Variants in LAMC2 observed in about 807,000 individuals in gnomAD.
The protein encoded by LAMC2 is laminin subunit gamma-2.
LAMC2 carries 97 observed loss-of-function variants against 140.2 expected under a neutral mutation model. The ratio of observed to expected loss-of-function variants is 0.69; its 90% CI spans 0.59 to 0.82. LAMC2 has a LOEUF of 0.82. LAMC2 is among the 40% of genes least tolerant of loss of function. The probability of loss-of-function intolerance (pLI) is 0.00; values close to 1 mark genes in which losing one functional copy is unlikely to be tolerated. For synonymous variants in LAMC2, 513 were observed against 540.2 expected, an observed-to-expected ratio of 0.95 and a Z score of 0.70; for missense variants, 1,402 against 1,476.1, an observed-to-expected ratio of 0.95 and a Z score of 0.82.
intron 1 of LAMC2, among the ~76,000 whole-genome samples, chr1:183,192,587 G>A (rs1183160703): frequency 6.6e-6 from 1 of 152,154 alleles, no homozygotes; most frequent in Non-Finnish European, 1.5e-5. Flanking sequence ...GCTCCAGCAT[G>A]TTTCATCCTT....
chr1:183,249,682 CGTGTGT>C (rs3841433), downstream of LAMC2: 5,887 of 119,584 alleles, frequency 0.049, 215 homozygotes, highest in East Asian at 0.11. Context: ...AAGAGTAGGG[CGTGTGT>C]GTGTGTGTGT....
intron 2 of LAMC2, among the ~76,000 whole-genome samples, chr1:183,212,149 A>AG (rs1325223263): frequency 6.6e-6 from 1 of 152,212 alleles, no homozygotes; most frequent in East Asian, 1.9e-4. Flanking sequence ...AAACTACTGC[A>AG]GGGAGAGTTT....
intron 11 of LAMC2, 140 bp from the exon 12 acceptor site, chr1:183,230,821 C>G: frequency 2.1e-6 from 2 of 950,404 alleles, no homozygotes; most frequent in African/African-American, 1.6e-5. Flanking sequence ...TTCCTAAGAC[C>G]TATCTGTATT....
intron 2 of LAMC2, among the ~76,000 whole-genome samples, chr1:183,214,487 T>C (rs1340202598): frequency 6.6e-6 from 1 of 152,150 alleles, no homozygotes; most frequent in Non-Finnish European, 1.5e-5. Flanking sequence ...CTTAGCACTT[T>C]GCCTGAACCA....
In LAMC2 at chr1:183,186,426, G is replaced by A; in HGVS notation, c.74G>A (p.Arg25Lys). 6.2e-7 allele frequency: 1 copy of A among 1,604,170 alleles called. No individual in the cohort carries two copies. The highest frequency in any genetic ancestry group is 1.1e-5 in the South Asian group (1 of 91,018). Residue 25 changes from arginine (R) to lysine (K), a missense_variant, in exon 1 of 23, where the codon AGG becomes AAG. By Grantham distance (26) the Arg-to-Lys change is conservative. Around this residue, in one of 3 missense-constraint regions of LAMC2, gnomAD observed 723 missense variants for 783.3 expected, o/e 0.92. Transcript: ENST00000264144. ...CCCGCAGCCCGGGCCACCTCCAGGA[G>A]GGAAGGTGAGTCGGCTTCCACAAGG... ...LLPAARATSR[R>K]EVCDCNGKSR...
At chr1:183,232,048 C>G in intron 12 of LAMC2, 139 bp from the exon 13 acceptor site, 1 of 1,014,280 alleles carries the variant, frequency 9.9e-7, no homozygotes, top group Non-Finnish European at 1.5e-6. Context: ...TCTCTAGGCT[C>G]CAGGGTCTAA....
chr1:183,194,751 T>C (rs1046814297), intron 1 of LAMC2, among the ~76,000 whole-genome samples: 1 of 152,228 alleles, frequency 6.6e-6, no homozygotes, highest in African/African-American at 2.4e-5. Flanking sequence ...TAGAGGGGCA[T>C]AGGATACCTT....
At position 183,198,251 on chromosome 1, in the gene LAMC2, C is replaced by T. The variant is rs187791282; in HGVS notation, c.80-9630C>T. The stretch of plus-strand genomic sequence containing the variant: ...CCACCTCCTGCGTTCAAGTGATTCC[C>T]CTGCCTCAGCCACCCCAGTAGCTGG... On this transcript the variant is annotated intron_variant, in intron 1 of 22. Transcript: ENST00000264144. Among the ~76,000 whole-genome samples the T allele has an allele frequency of 8.6e-5, 13 of 151,672 alleles. No homozygotes were observed. In the East Asian group the frequency reaches 1.6e-3, roughly 18 times the overall value.
At position 183,235,634 on chromosome 1, in the gene LAMC2, A is replaced by C. The variant is rs1005007456; in HGVS notation, c.2360A>C (p.Lys787Thr). 3.1e-6 allele frequency: 5 copies of C among 1,614,206 alleles called. No homozygotes were observed. Among genetic ancestry groups the C allele is most frequent in the Non-Finnish European group, 4.2e-6 (5 of 1,180,030 alleles). ...ACAAGGGAAACTGAGGACTATTCCA[A>C]ACAAGCCCTCTCACTGGTGCGCAAG... is the stretch of plus-strand genomic sequence containing the variant. ...QLTRETEDYSKQALSLVRKAL... is the reference protein window; with the variant it reads ...QLTRETEDYSTQALSLVRKAL... Residue 787 changes from lysine to threonine, a missense_variant, in exon 16 of 23, where the codon AAA (lysine) becomes ACA (threonine). Transcript: ENST00000264144.
chr1:183,193,273 A>G (rs766139656), intron 1 of LAMC2, among the ~76,000 whole-genome samples: 2 of 152,210 alleles, frequency 1.3e-5, no homozygotes, highest in African/African-American at 2.4e-5. Flanking sequence ...TTGTCAGGTT[A>G]TCATGCAGCT....
intron 3 of LAMC2, among the ~76,000 whole-genome samples, chr1:183,216,300 C>T (rs978396978): frequency 9.2e-5 from 14 of 152,178 alleles, no homozygotes; most frequent in African/African-American, 3.1e-4. Flanking sequence ...TGTTCTGGTC[C>T]GGCCTTCCCT....
chr1:183,212,172 A>C (rs1047789479), intron 2 of LAMC2, among the ~76,000 whole-genome samples: 1 of 152,242 alleles, frequency 6.6e-6, no homozygotes, highest in African/African-American at 2.4e-5. Flanking sequence ...TGAAGTTGAA[A>C]GTGTAATAAA....
At chr1:183,207,420 T>G (rs1290900037) in intron 1 of LAMC2, among the ~76,000 whole-genome samples, 1 of 152,008 alleles carries the variant, frequency 6.6e-6, no homozygotes, top group African/African-American at 2.4e-5. Flanking sequence ...GGATGGGTGT[T>G]GTGTATCTTG....
At chr1:183,196,275 T>C (rs1658511450) in intron 1 of LAMC2, among the ~76,000 whole-genome samples, 1 of 152,060 alleles carries the variant, frequency 6.6e-6, no homozygotes, top group South Asian at 2.1e-4. Flanking sequence ...GTAGCTGGTA[T>C]TATAGGTGTG....
intron 10 of LAMC2, 59 bp downstream of exon 10, chr1:183,227,756 T>C: frequency 6.8e-7 from 1 of 1,473,810 alleles, no homozygotes; most frequent in Non-Finnish European, 9.5e-7. Flanking sequence ...CATGAATGTG[T>C]GCAAATAGCT....
Position 183,227,601 on chromosome 1 carries a change from A to G in LAMC2, c.1372A>G (p.Ser458Gly). Residue 458 changes from serine to glycine, a missense_variant, in exon 10 of 23, where the codon AGC becomes GGC. By Grantham distance (56) the Ser-to-Gly change is moderately conservative. Around this residue, in one of 3 missense-constraint regions of LAMC2, gnomAD observed 723 missense variants for 783.3 expected, o/e 0.92. Coordinates refer to ENST00000264144, the MANE Select transcript of LAMC2 (RefSeq NM_005562.3). The part of the protein sequence containing the change: ...GFYNDPHDPR[S>G]CKPCPCHNGF... ...CTACAACGATCCGCACGACCCCCGC[A>G]GCTGCAAGCCATGTCCCTGTCATAA... 6.2e-7 allele frequency: 1 copy of G among 1,614,162 alleles called. No homozygotes were observed. Among genetic ancestry groups the G allele is most frequent in the Non-Finnish European group, 8.5e-7 (1 of 1,180,020 alleles).
intron 11 of LAMC2, among the ~76,000 whole-genome samples, chr1:183,229,265 C>T (rs929040946): frequency 6.6e-6 from 1 of 152,126 alleles, no homozygotes; most frequent in African/African-American, 2.4e-5. Flanking sequence ...TGGCCTGCCC[C>T]ACAGACTCAC....
intron 14 of LAMC2, 44 bp downstream of exon 14, chr1:183,232,901 G>T: frequency 6.4e-7 from 1 of 1,568,122 alleles, no homozygotes. Context: ...CTGCTGTGTT[G>T]GGAGACCTAC....
rs141134079 is a variant in LAMC2, at chr1:183,228,817, G to C, written c.1714+198G>C. ...AGGTTTACCCTGTAGCCAGGCTCTG[G>C]AAGACAGAGCTGGGTTAAAGCTGGG... On this transcript the variant is annotated intron_variant, in intron 11 of 22. Coordinates refer to ENST00000264144, the MANE Select transcript of LAMC2 (RefSeq NM_005562.3). The surrounding 1 kb of genome is among the most constrained non-coding windows in gnomAD (Gnocchi z 4.3). Among the ~76,000 whole-genome samples the C allele has an allele frequency of 2.0e-5, 3 of 152,302 alleles. No individual in the cohort carries two copies. Among genetic ancestry groups the C allele is most frequent in the African/African-American group, 7.2e-5 (3 of 41,572 alleles).
Sources: gnomAD v4.1 joint callset for allele counts (sites outside exome capture counted in the v4.1 genomes callset) on GRCh38, gnomAD v4.1.1 for gene constraint, gnomAD v4.1.1 regional missense constraint, Gnocchi (gnomAD v3.1) non-coding constraint, MANE v1.5 for transcripts, NCBI Gene and HGNC (gene_info 2026-07-23, HGNC 2026-07-21) for gene names.